Variants in FGF13 observed in about 807,000 individuals in gnomAD.
The protein encoded by FGF13 is fibroblast growth factor homologous factor 2.
Under a neutral mutation model 19.5 loss-of-function variants are expected in FGF13, and 2 were observed. That is an observed-to-expected ratio of 0.10 (90% CI 0.04 to 0.32). The LOEUF (loss-of-function observed/expected upper bound fraction) is 0.32. FGF13 is among the 10% of genes least tolerant of loss of function. FGF13 has a pLI of 1.00. For synonymous variants in FGF13, 72 were observed against 76.9 expected (o/e 0.94, Z 0.33); for missense variants, 113 against 192.7 (o/e 0.59, Z 2.45).
At chrX:139,013,839 G>A (rs1036667859) in intron 1 of FGF13, among the ~76,000 whole-genome samples, 2 of 108,848 alleles carry the variant, frequency 1.8e-5, no homozygotes, top group African/African-American at 3.3e-5. Flanking sequence ...GAACTTATTC[G>A]TGTAACCAAA....
chrX:138,713,652 C>A, upstream of FGF13, among the ~76,000 whole-genome samples: 1 of 111,613 alleles, frequency 9.0e-6, no homozygotes, highest in Middle Eastern at 4.6e-3. Context: ...CTTTCCCACA[C>A]CGTTTTTCCT....
At chrX:139,147,700 T>C (rs1443591282) in intron 1 of FGF13, among the ~76,000 whole-genome samples, 1 of 111,340 alleles carries the variant, frequency 9.0e-6, no homozygotes, top group Non-Finnish European at 1.9e-5. Context: ...AGCTGCATCA[T>C]TTCAATCTCT....
intron 1 of FGF13, among the ~76,000 whole-genome samples, chrX:139,064,277 T>TC (rs1401977250): frequency 5.8e-5 from 4 of 69,077 alleles, no homozygotes; most frequent in African/African-American, 7.1e-5. Flanking sequence ...AGTTCTTTTT[T>TC]TTTCTTTTTT....
intron 1 of FGF13, among the ~76,000 whole-genome samples, chrX:139,135,986 A>G (rs1169948447): frequency 4.5e-5 from 5 of 111,752 alleles, no homozygotes; most frequent in South Asian, 3.8e-4. Flanking sequence ...TTATACTTTA[A>G]AGGTATATAA....
At chrX:139,177,508 GCA>G (rs1405693586) in intron 1 of FGF13, among the ~76,000 whole-genome samples, 1 of 111,408 alleles carries the variant, frequency 9.0e-6, no homozygotes, top group South Asian at 3.8e-4. Context: ...TGCAGTTTCA[GCA>G]CAGTGTTGAT....
At chrX:138,665,709 C>T (rs2089535872) in intron 3 of FGF13, among the ~76,000 whole-genome samples, 1 of 111,000 alleles carries the variant, frequency 9.0e-6, no homozygotes, top group African/African-American at 3.3e-5. Context: ...GGCAGTTTAA[C>T]TGAGATGTAG....
intron 1 of FGF13, among the ~76,000 whole-genome samples, chrX:138,920,727 C>T (rs758036066): frequency 6.3e-4 from 70 of 111,441 alleles, no homozygotes; most frequent in African/African-American, 2.2e-3. Context: ...AGAGAAAGGA[C>T]TGGACGAGCG....
chrX:139,134,741 C>T (rs1264457661), intron 1 of FGF13, among the ~76,000 whole-genome samples: 1 of 111,558 alleles, frequency 9.0e-6, no homozygotes, highest in Non-Finnish European at 1.9e-5. Context: ...CTCTGCCTCC[C>T]GGGTTCAAAC....
At chrX:138,958,318 T>C (rs1025991857) in intron 1 of FGF13, among the ~76,000 whole-genome samples, 6 of 111,983 alleles carry the variant, frequency 5.4e-5, no homozygotes, top group African/African-American at 1.6e-4. Flanking sequence ...GTTTATATGA[T>C]GGACTACGTT....
At chrX:139,027,436 GCATGT>G (rs1159712188) in intron 1 of FGF13, among the ~76,000 whole-genome samples, 1 of 111,934 alleles carries the variant, frequency 8.9e-6, no homozygotes, top group Admixed American at 9.5e-5. Context: ...AAGTAATACA[GCATGT>G]CACCTATTTT....
chrX:139,123,449 A>G (rs181708872), intron 1 of FGF13, among the ~76,000 whole-genome samples: 39 of 111,291 alleles, frequency 3.5e-4, no homozygotes, highest in African/African-American at 1.2e-3. Flanking sequence ...TTGAGCACAG[A>G]TGCTTTGTAC....
At position 139,178,673 on chromosome X, in the gene FGF13, G is replaced by A. The variant is rs190677161; in HGVS notation, c.-113+24743C>T. Among the ~76,000 whole-genome samples, 259 of 112,134 alleles carry A rather than the reference G, an allele frequency of 2.3e-3. 2 individuals carry two copies. Among genetic ancestry groups the A allele is most frequent in the Non-Finnish European group, 3.9e-3 (207 of 53,207 alleles). ...CTCAAGAGCCAGTTCTTCATCTAAGGTCTTTAAACAAACATCAAACAAGTT... is the reference window on the plus strand; with the variant it reads ...CTCAAGAGCCAGTTCTTCATCTAAGATCTTTAAACAAACATCAAACAAGTT... On this transcript the variant is annotated intron_variant, in intron 1 of 2. Transcript: ENST00000421460.
At chrX:138,830,687 T>TTGTCTGTGTGTG (rs1199806084) in intron 3 of FGF13, among the ~76,000 whole-genome samples, 28 of 87,517 alleles carry the variant, frequency 3.2e-4, no homozygotes, top group African/African-American at 1.0e-3. Flanking sequence ...AAAGGGGTGT[T>TTGTCTGTGTGTG]TGTGTGTGTG....
intron 2 of FGF13, among the ~76,000 whole-genome samples, chrX:138,861,763 G>A (rs1351417630): frequency 8.9e-6 from 1 of 111,733 alleles, no homozygotes; most frequent in Non-Finnish European, 1.9e-5. Flanking sequence ...AGCATTTTGG[G>A]AGGCCAAGGC....
chrX:138,989,864 G>A (rs2092008471), intron 1 of FGF13, among the ~76,000 whole-genome samples: 1 of 111,044 alleles, frequency 9.0e-6, no homozygotes, highest in African/African-American at 3.3e-5. Context: ...TACCCAAACC[G>A]TGTTCACACT....
intron 1 of FGF13, among the ~76,000 whole-genome samples, chrX:138,999,375 C>CA (rs1488335532): frequency 9.0e-5 from 10 of 110,985 alleles, no homozygotes; most frequent in African/African-American, 2.3e-4. Context: ...AAAAACCCTT[C>CA]AAAAAATCAA....
At chrX:139,062,827 T>C (rs1439338402) in intron 1 of FGF13, among the ~76,000 whole-genome samples, 1 of 112,054 alleles carries the variant, frequency 8.9e-6, no homozygotes, top group Non-Finnish European at 1.9e-5. Context: ...CTTAGGTAGA[T>C]AGGAATAAGT....
chrX:138,891,980 GTCTC>G (rs1258540909), intron 1 of FGF13, among the ~76,000 whole-genome samples: 4 of 81,009 alleles, frequency 4.9e-5, no homozygotes, highest in Admixed American at 4.5e-4. Flanking sequence ...TCCAATCTCT[GTCTC>G]TCTCTCTATA....
At chrX:139,012,766 C>T (rs1569441685) in intron 1 of FGF13, among the ~76,000 whole-genome samples, 1 of 111,886 alleles carries the variant, frequency 8.9e-6, no homozygotes, top group African/African-American at 3.3e-5. Context: ...ATTGAAAAAA[C>T]TCTTCTAGAC....
Sources: gnomAD v4.1 joint callset for allele counts (sites outside exome capture counted in the v4.1 genomes callset) on GRCh38, gnomAD v4.1.1 for gene constraint, MANE v1.5 for transcripts, NCBI Gene and HGNC (gene_info 2026-07-23, HGNC 2026-07-21) for gene names.